The following R3HDM1 variants were observed in gnomAD, a reference collection of about 807,000 sequenced individuals.
The protein encoded by R3HDM1 is R3H domain containing 1.
A neutral mutation model predicts 141.1 loss-of-function variants in R3HDM1; 46 were observed. The observed-to-expected ratio is 0.33, with a 90% CI of 0.26 to 0.42. The LOEUF (loss-of-function observed/expected upper bound fraction) is 0.42. Ranked by LOEUF, R3HDM1 falls within the 10% of genes least tolerant of loss-of-function variation. The pLI is 1.00. For synonymous variants in R3HDM1, 435 were observed against 472.9 expected, an observed-to-expected ratio of 0.92 and a Z score of 1.04; for missense variants, 1,184 against 1,368.3, an observed-to-expected ratio of 0.87 and a Z score of 2.12.
intron 1 of R3HDM1, among the ~76,000 whole-genome samples, chr2:135,601,183 T>G (rs2059592359): frequency 6.6e-6 from 1 of 152,206 alleles, no homozygotes; most frequent in Non-Finnish European, 1.5e-5. Flanking sequence ...TTTTGTTTTG[T>G]TTTTGGTGGA....
intron 11 of R3HDM1, among the ~76,000 whole-genome samples, chr2:135,638,208 A>G (rs1297517428): frequency 6.6e-6 from 1 of 152,230 alleles, no homozygotes; most frequent in Non-Finnish European, 1.5e-5. Flanking sequence ...AACAGTGCTG[A>G]AGGACTTTAA....
chr2:135,607,399 TAA>T (rs2060170986), intron 3 of R3HDM1: 4 of 925,432 alleles, frequency 4.3e-6, no homozygotes, highest in Non-Finnish European at 5.2e-6. Context: ...CCTCCAGCTA[TAA>T]AAAAAGCATT....
chr2:135,618,984 C>T lies in R3HDM1; in HGVS notation c.303+2227C>T, dbSNP rs149679466. Among the ~76,000 whole-genome samples the T allele has an allele frequency of 1.6e-4, 24 of 149,376 alleles. 3 individuals carry two copies. Among genetic ancestry groups the T allele is most frequent in the African/African-American group, 5.4e-4 (22 of 40,476 alleles). Reference sequence around the variant, plus strand: ...TCAGGGAGCCGAGATTGCGCTATTGCGCTCCAGCCTGGGTGACAAGAGCGA... The same window carrying T: ...TCAGGGAGCCGAGATTGCGCTATTGTGCTCCAGCCTGGGTGACAAGAGCGA... On this transcript the variant is annotated intron_variant, in intron 5 of 26. Transcript: ENST00000683871.
intron 20 of R3HDM1, among the ~76,000 whole-genome samples, chr2:135,677,556 T>A (rs1166623521): frequency 6.6e-6 from 1 of 150,740 alleles, no homozygotes; most frequent in African/African-American, 2.5e-5. Flanking sequence ...ACAGCCTAAT[T>A]AGTATAGTTT....
chr2:135,694,106 C>T (rs12465544), intron 21 of R3HDM1, among the ~76,000 whole-genome samples: 31,266 of 152,172 alleles, frequency 0.21, 3,760 homozygotes, highest in East Asian at 0.44. Context: ...ATTTTTACAG[C>T]TTTTATTCCT....
intron 23 of R3HDM1, among the ~76,000 whole-genome samples, chr2:135,712,224 G>T (rs969438480): frequency 1.3e-5 from 2 of 151,812 alleles, no homozygotes; most frequent in African/African-American, 4.8e-5. Context: ...CACCAGGCTG[G>T]ACTGCATTTG....
intron 5 of R3HDM1, chr2:135,620,437 CAG>C (rs1028360852): frequency 5.4e-6 from 5 of 919,668 alleles, no homozygotes; most frequent in African/African-American, 5.4e-5. Context: ...GTAAACAAGA[CAG>C]AGAGTGCAAA....
intron 17 of R3HDM1, chr2:135,650,438 G>A (rs1574700603): frequency 1.0e-6 from 1 of 983,228 alleles, no homozygotes; most frequent in East Asian, 1.1e-4. Context: ...GGACTTCTAA[G>A]TATATTTTCT....
At chr2:135,559,924 A>G (rs1701483474) in intron 1 of R3HDM1, among the ~76,000 whole-genome samples, 1 of 151,874 alleles carries the variant, frequency 6.6e-6, no homozygotes, top group Non-Finnish European at 1.5e-5. Context: ...TGCGCAGTAG[A>G]TAGAGTTGAA....
chr2:135,596,666 A>G (rs1461938353), intron 1 of R3HDM1, among the ~76,000 whole-genome samples: 5 of 152,134 alleles, frequency 3.3e-5, no homozygotes, highest in Non-Finnish European at 1.5e-5. Flanking sequence ...TTTTGACTAA[A>G]CATTCTGACA....
intron 1 of R3HDM1, chr2:135,577,010 T>C: frequency 1.4e-6 from 1 of 706,244 alleles, no homozygotes; most frequent in Non-Finnish European, 1.7e-6. Context: ...ATGTATGCTA[T>C]ATAAATTATA....
chr2:135,665,690 A>G (rs1055543055), intron 19 of R3HDM1, among the ~76,000 whole-genome samples: 2 of 152,182 alleles, frequency 1.3e-5, no homozygotes, highest in Admixed American at 1.3e-4. Context: ...TTCTTTTCCA[A>G]AGTAGATTTG....
chr2:135,675,604 C>T (rs1421080568), intron 20 of R3HDM1, 118 bp downstream of exon 20: 1 of 1,071,416 alleles, frequency 9.3e-7, no homozygotes, highest in Non-Finnish European at 1.3e-6. Flanking sequence ...CTGTAATATA[C>T]AACCTTTTAA....
chr2:135,667,046 T>A, intron 19 of R3HDM1: 1 of 855,354 alleles, frequency 1.2e-6, no homozygotes, highest in Non-Finnish European at 1.4e-6. Context: ...AAGCATTTCT[T>A]TAATACTTTT....
At chr2:135,651,307 A>G (rs2065122701) in intron 17 of R3HDM1, 1 of 984,198 alleles carries the variant, frequency 1.0e-6, no homozygotes, top group African/African-American at 1.7e-5. Flanking sequence ...GGAAGAGGGG[A>G]GATAGTTTAA....
At chr2:135,696,785 C>G (rs969929585) in intron 21 of R3HDM1, among the ~76,000 whole-genome samples, 1 of 152,168 alleles carries the variant, frequency 6.6e-6, no homozygotes, top group South Asian at 2.1e-4. Context: ...GCCACCTTGC[C>G]TAGCCTTCTT....
chr2:135,590,711 AC>A, intron 1 of R3HDM1: 1 of 985,364 alleles, frequency 1.0e-6, no homozygotes, highest in Non-Finnish European at 1.2e-6. Context: ...AGCAGTGTTC[AC>A]CCATGCCCAG....
At chr2:135,672,115 GAAGGCATTTTTTT>G (rs1361512439) in intron 19 of R3HDM1, among the ~76,000 whole-genome samples, 1 of 152,172 alleles carries the variant, frequency 6.6e-6, no homozygotes, top group African/African-American at 2.4e-5. Flanking sequence ...GATTCTTAGC[GAAGGCATTTTTTT>G]AAGTGCTTGG....
intron 3 of R3HDM1, among the ~76,000 whole-genome samples, chr2:135,609,988 G>A (rs1208124925): frequency 6.6e-6 from 1 of 151,968 alleles, no homozygotes; most frequent in Non-Finnish European, 1.5e-5. Flanking sequence ...AGGTTGCAGT[G>A]AGCTGAAACC....
Sources: gnomAD v4.1 joint callset for allele counts (sites outside exome capture counted in the v4.1 genomes callset) on GRCh38, gnomAD v4.1.1 for gene constraint, MANE v1.5 for transcripts, NCBI Gene and HGNC (gene_info 2026-07-23, HGNC 2026-07-21) for gene names.